The following FRMPD2 variants were observed in gnomAD, a reference collection of about 807,000 sequenced individuals.
FRMPD2 encodes the protein FERM and PDZ domain containing 2.
FRMPD2 carries 96 observed loss-of-function variants against 140.1 expected under a neutral mutation model. The ratio of observed to expected loss-of-function variants is 0.69; its 90% CI spans 0.58 to 0.81. The LOEUF is 0.81. Ranked by LOEUF, FRMPD2 falls within the 40% of genes least tolerant of loss-of-function variation. The probability of loss-of-function intolerance (pLI) is 0.00; values close to 1 mark genes in which losing one functional copy is unlikely to be tolerated. For missense variants in FRMPD2, 1,240 were observed against 1,447.4 expected, an observed-to-expected ratio of 0.86 and a Z score of 2.32; for synonymous variants, 449 against 547.6, an observed-to-expected ratio of 0.82 and a Z score of 2.52.
chr10:48,198,758 T>C (rs1364189694), intron 15 of FRMPD2, among the ~76,000 whole-genome samples: 1 of 152,188 alleles, frequency 6.6e-6, no homozygotes, highest in East Asian at 1.9e-4. Context: ...TTTCTTTCAG[T>C]AGTGTTTTGT....
chr10:48,262,755 G>T (rs190054094), intron 1 of FRMPD2, among the ~76,000 whole-genome samples: 1 of 152,024 alleles, frequency 6.6e-6, no homozygotes, highest in East Asian at 1.9e-4. Context: ...AAACTTTATT[G>T]ATTTATTTAT....
chr10:48,201,241 G>A lies in FRMPD2; in HGVS notation c.1941C>T (p.Ser647=), dbSNP rs765599878. The part of the protein sequence containing the change: ...FNAQMGSGQP[S]HVLFDHDKFV... ...GCTTCTACTCACCAAATAAAACATG[G>A]GAAGGCTGCCCAGAGCCCATCTGTG... Residue 647 remains serine (S), a synonymous_variant, in exon 15 of 29, where the codon TCC becomes TCT. Coordinates refer to ENST00000374201, the MANE Select transcript of FRMPD2 (RefSeq NM_001018071.4). 7.5e-6 allele frequency: 12 copies of A among 1,606,088 alleles called. No homozygotes were observed. The highest frequency in any genetic ancestry group is 1.0e-5 in the Non-Finnish European group (12 of 1,176,030).
In FRMPD2 at chr10:48,249,137, A is replaced by G; in HGVS notation, c.193T>C (p.Ser65Pro). Residue 65 changes from serine (S) to proline (P), a missense_variant, in exon 3 of 29, where the codon TCT becomes CCT. Ser to Pro is a moderately conservative substitution (Grantham distance 74, BLOSUM62 -1). Coordinates refer to ENST00000374201, the MANE Select transcript of FRMPD2 (RefSeq NM_001018071.4). ...TGGAAAGAAAGGCTTCCAGCTGCAG[A>G]AAGCAGGGCTGACCAGGGGCAAACC... is the stretch of plus-strand genomic sequence containing the variant. ...YVVCPWSALL[S>P]AAGSLSFQGR... 1 of 1,614,156 alleles carries G rather than the reference A, an allele frequency of 6.2e-7. No homozygotes were observed. Among genetic ancestry groups the G allele is most frequent in the Non-Finnish European group, 8.5e-7 (1 of 1,180,010 alleles).
At chr10:48,219,300 C>G (rs1006698738) in intron 12 of FRMPD2, among the ~76,000 whole-genome samples, 4 of 151,660 alleles carry the variant, frequency 2.6e-5, no homozygotes, top group African/African-American at 9.7e-5. Context: ...CATCTCTTCT[C>G]CAAGCTAAGC....
chr10:48,177,701 G>T (rs1321969444), intron 22 of FRMPD2: 2 of 205,572 alleles, frequency 9.7e-6, no homozygotes, highest in African/African-American at 4.5e-5. Context: ...ACAGTGGACT[G>T]CCCTTCTTAC....
intron 1 of FRMPD2, among the ~76,000 whole-genome samples, chr10:48,261,590 TCAGA>T (rs1239788365): frequency 6.6e-6 from 1 of 152,138 alleles, no homozygotes; most frequent in East Asian, 1.9e-4. Context: ...TAAGACTTTC[TCAGA>T]CAAACAAAAC....
intron 8 of FRMPD2, 98 bp from the exon 9 acceptor site, chr10:48,236,651 T>C (rs2131936402): frequency 9.0e-7 from 1 of 1,106,978 alleles, no homozygotes; most frequent in South Asian, 1.3e-5. Flanking sequence ...CCCACCAGCA[T>C]ACATTCCCCA....
intron 14 of FRMPD2, among the ~76,000 whole-genome samples, chr10:48,204,979 G>T (rs1447744518): frequency 6.6e-6 from 1 of 152,176 alleles, no homozygotes; most frequent in Non-Finnish European, 1.5e-5. Context: ...TTTGGTGCAG[G>T]CTGGCAAGAT....
At chr10:48,250,128 G>A (rs1447762204) in intron 2 of FRMPD2, among the ~76,000 whole-genome samples, 2 of 152,180 alleles carry the variant, frequency 1.3e-5, no homozygotes, top group Non-Finnish European at 2.9e-5. Flanking sequence ...CCAGAGAGGT[G>A]ACTCGCCCGA....
intron 17 of FRMPD2, among the ~76,000 whole-genome samples, chr10:48,186,487 G>A (rs1017026290): frequency 1.3e-5 from 2 of 152,140 alleles, no homozygotes; most frequent in Non-Finnish European, 2.9e-5. Flanking sequence ...TGCTATTCTC[G>A]TGATAGTGAA....
intron 13 of FRMPD2, among the ~76,000 whole-genome samples, chr10:48,208,850 C>G (rs1839257923): frequency 6.6e-6 from 1 of 152,172 alleles, no homozygotes; most frequent in Admixed American, 6.5e-5. Flanking sequence ...GAGATGGGAC[C>G]AAGCACTCCT....
rs1451209777 is a variant in FRMPD2, at chr10:48,157,194, G to A, written c.*128C>T. 17 of 708,560 alleles carry A rather than the reference G, an allele frequency of 2.4e-5. No homozygotes were observed. The highest frequency in any genetic ancestry group is 5.9e-5 in the South Asian group (4 of 67,382). 43.9% of individuals were successfully genotyped at this position (708,560 alleles called of 1,614,324 possible). On this transcript the variant is annotated 3_prime_UTR_variant, in exon 29 of 29. Transcript: ENST00000374201. ...ATTATCTGGTGATGCAGCCGCAGAC[G>A]TAATGGTCAAAGAACAAGACTTCCA...
intron 5 of FRMPD2, 58 bp downstream of exon 5, chr10:48,242,103 T>C: frequency 8.0e-7 from 1 of 1,250,448 alleles, no homozygotes. Context: ...CTAATTCAAA[T>C]TTTAATAGCC....
intron 13 of FRMPD2, among the ~76,000 whole-genome samples, chr10:48,211,184 T>C (rs976875190): frequency 6.6e-6 from 1 of 152,268 alleles, no homozygotes; most frequent in Admixed American, 6.5e-5. Flanking sequence ...TTCCAGTGCC[T>C]GGCCCACAGC....
At chr10:48,187,444 T>C in intron 16 of FRMPD2, 152 bp from the exon 17 acceptor site, 2 of 626,554 alleles carry the variant, frequency 3.2e-6, no homozygotes, top group Non-Finnish European at 5.7e-6. Context: ...ATCCAGCAGC[T>C]CCTCAGAGGG....
intron 2 of FRMPD2, among the ~76,000 whole-genome samples, chr10:48,250,723 A>T (rs1331469307): frequency 6.6e-6 from 1 of 150,956 alleles, no homozygotes; most frequent in Non-Finnish European, 1.5e-5. Flanking sequence ...TATGCCTTAC[A>T]GTTGCTCTTC....
Position 48,232,120 on chromosome 10 carries a change from A to C in FRMPD2, c.1163T>G (p.Met388Arg). ...EELTYFGLAY[M>R]KSKEFFFLDS... ...GCTGCCCAAGAGATGCTTACTTTTCATATACGCCAAGCCAAAGTAGGTGAG... is the reference window on the plus strand; with the variant it reads ...GCTGCCCAAGAGATGCTTACTTTTCCTATACGCCAAGCCAAAGTAGGTGAG... Residue 388 changes from methionine to arginine, a missense_variant, in exon 10 of 29, where the codon ATG (methionine) becomes AGG (arginine). Met to Arg is a moderately conservative substitution (Grantham distance 91). Around this residue, in one of 6 missense-constraint regions of FRMPD2, gnomAD observed 1,161 missense variants for 1,055.9 expected, o/e 1.10. Coordinates refer to ENST00000374201, the MANE Select transcript of FRMPD2 (RefSeq NM_001018071.4). The C allele has an allele frequency of 6.2e-7, 1 of 1,614,168 alleles. No individual in the cohort carries two copies. Among genetic ancestry groups the C allele is most frequent in the Admixed American group, 1.7e-5 (1 of 60,022 alleles).
chr10:48,266,842 G>C (rs1287037180), intron 1 of FRMPD2, among the ~76,000 whole-genome samples: 1 of 152,230 alleles, frequency 6.6e-6, no homozygotes, highest in Non-Finnish European at 1.5e-5. Flanking sequence ...GAGAGGGTCA[G>C]TACTTTTACC....
Position 48,222,383 on chromosome 10 carries a change from C to T in FRMPD2, c.1385G>A (p.Cys462Tyr). ...RKDILEERLY[C>Y]NEEILLQLGV... ...CAGCTGCAGCAGTATCTCTTCATTGCAGTACAGCCTCTCCTCCAGGATATC... is the reference window on the plus strand; with the variant it reads ...CAGCTGCAGCAGTATCTCTTCATTGTAGTACAGCCTCTCCTCCAGGATATC... The change falls in exon 12 of 29, where the codon TGC (cysteine) becomes TAC (tyrosine). Residue 462 changes from cysteine to tyrosine, a missense_variant. This residue lies in a region of FRMPD2 where 1,161 missense variants were observed against 1,055.9 expected (regional missense o/e 1.10). Transcript: ENST00000374201. 6.2e-7 allele frequency: 1 copy of T among 1,614,200 alleles called. No homozygotes were observed.
Sources: allele counts gnomAD v4.1 joint callset (sites outside exome capture counted in the v4.1 genomes callset), GRCh38; gene constraint gnomAD v4.1.1; regional missense constraint gnomAD v4.1.1; transcripts MANE v1.5; gene names NCBI Gene and HGNC (gene_info 2026-07-23, HGNC 2026-07-21).